PTPRD: variants seen among roughly 807,000 people sequenced by gnomAD.
PTPRD encodes protein tyrosine phosphatase receptor type D.
PTPRD carries 34 observed loss-of-function variants against 214.5 expected under a neutral mutation model. The ratio of observed to expected loss-of-function variants is 0.16; its 90% CI spans 0.12 to 0.21. The LOEUF is 0.21. Ranked by LOEUF, PTPRD falls within the 10% of genes least tolerant of loss-of-function variation. The pLI is 1.00. For synonymous variants in PTPRD, 1,128 were observed against 845.7 expected, an observed-to-expected ratio of 1.33 and a Z score of -5.79; for missense variants, 2,545 against 2,398.7, an observed-to-expected ratio of 1.06 and a Z score of -1.27.
At chr9:8,483,219 A>G (rs2135701019) in intron 30 of PTPRD, among the ~76,000 whole-genome samples, 1 of 152,348 alleles carries the variant, frequency 6.6e-6, no homozygotes. Flanking sequence ...GCTGTGCTAC[A>G]TTCAAACCAG....
chr9:8,346,283 T>A (rs183580487), intron 39 of PTPRD, among the ~76,000 whole-genome samples: 1 of 152,238 alleles, frequency 6.6e-6, no homozygotes, highest in Non-Finnish European at 1.5e-5. Context: ...TTTTCAGGGA[T>A]TATTTGCTGA....
At chr9:8,522,339 G>T (rs1444811083) in intron 19 of PTPRD, among the ~76,000 whole-genome samples, 1 of 152,090 alleles carries the variant, frequency 6.6e-6, no homozygotes, top group Non-Finnish European at 1.5e-5. Context: ...AAAGGGGGAG[G>T]TAAAGTATAA....
chr9:10,072,381 G>A (rs2098039068), intron 3 of PTPRD, among the ~76,000 whole-genome samples: 1 of 152,060 alleles, frequency 6.6e-6, no homozygotes, highest in East Asian at 1.9e-4. Context: ...CAGTGGGTTC[G>A]TGATCTTGCC....
At chr9:8,473,789 G>A (rs1429582503) in intron 30 of PTPRD, among the ~76,000 whole-genome samples, 5 of 152,078 alleles carry the variant, frequency 3.3e-5, no homozygotes, top group African/African-American at 7.2e-5. Flanking sequence ...ATTAATTAAC[G>A]GTGCGGCAAG....
intron 12 of PTPRD, among the ~76,000 whole-genome samples, chr9:8,659,670 T>A (rs1019770365): frequency 6.6e-6 from 1 of 152,122 alleles, no homozygotes; most frequent in Admixed American, 6.5e-5. Flanking sequence ...TTGGGGCAAA[T>A]AGAAAAGGAA....
At chr9:8,607,012 A>G (rs1342855643) in intron 14 of PTPRD, among the ~76,000 whole-genome samples, 1 of 152,204 alleles carries the variant, frequency 6.6e-6, no homozygotes, top group Admixed American at 6.5e-5. Context: ...TCAATGGTAG[A>G]ATGCTGACTA....
intron 2 of PTPRD, among the ~76,000 whole-genome samples, chr9:10,496,990 C>G (rs1295366878): frequency 6.6e-6 from 1 of 151,948 alleles, no homozygotes; most frequent in Non-Finnish European, 1.5e-5. Context: ...GAATAATGTC[C>G]TTTGCACCAA....
chr9:10,601,277 G>A (rs549922310), intron 2 of PTPRD, among the ~76,000 whole-genome samples: 26 of 151,422 alleles, frequency 1.7e-4, no homozygotes, highest in Non-Finnish European at 2.5e-4. Context: ...GTAAAGTTAT[G>A]GCCAAAGGGA....
At chr9:8,425,199 C>A (rs2094582144) in intron 35 of PTPRD, among the ~76,000 whole-genome samples, 1 of 152,146 alleles carries the variant, frequency 6.6e-6, no homozygotes, top group East Asian at 1.9e-4. Flanking sequence ...CTCTAGGCAG[C>A]CTTGTTCCAA....
intron 11 of PTPRD, among the ~76,000 whole-genome samples, chr9:8,910,577 G>C (rs1265477990): frequency 6.6e-6 from 1 of 152,054 alleles, no homozygotes; most frequent in Non-Finnish European, 1.5e-5. Flanking sequence ...GACTCTGCAG[G>C]AGGTCCCCAC....
intron 3 of PTPRD, among the ~76,000 whole-genome samples, chr9:10,151,085 A>G: frequency 7.0e-6 from 1 of 142,274 alleles, no homozygotes; most frequent in African/African-American, 2.6e-5. Flanking sequence ...TTTTGAGACA[A>G]GAGTCTTGCT....
At chr9:9,862,566 G>T (rs758920816) in intron 5 of PTPRD, among the ~76,000 whole-genome samples, 18 of 152,122 alleles carry the variant, frequency 1.2e-4, no homozygotes, top group Non-Finnish European at 8.8e-5. Flanking sequence ...CAGAAACTGC[G>T]AGAATCAAAA....
chr9:9,015,929 G>A (rs1047489070), intron 11 of PTPRD, among the ~76,000 whole-genome samples: 1 of 152,114 alleles, frequency 6.6e-6, no homozygotes, highest in African/African-American at 2.4e-5. Flanking sequence ...ATGCCAATAA[G>A]TAGAAAGAAA....
chr9:9,795,227 G>C (rs1360573282), intron 5 of PTPRD, among the ~76,000 whole-genome samples: 2 of 152,210 alleles, frequency 1.3e-5, no homozygotes, highest in African/African-American at 4.8e-5. Context: ...TGGAGATCTG[G>C]ATAGAGAAAT....
At chr9:10,022,253 A>G (rs1381004242) in intron 4 of PTPRD, among the ~76,000 whole-genome samples, 2 of 80,314 alleles carry the variant, frequency 2.5e-5, no homozygotes, top group Non-Finnish European at 5.0e-5. Flanking sequence ...TGTGTGTCAC[A>G]GGAATAACCA....
At chr9:10,249,758 T>C (rs2092596177) in intron 3 of PTPRD, among the ~76,000 whole-genome samples, 1 of 152,170 alleles carries the variant, frequency 6.6e-6, no homozygotes, top group Non-Finnish European at 1.5e-5. Context: ...TTGTCTTGCA[T>C]TTTAAGGTCT....
In PTPRD at chr9:8,688,374, A is replaced by G. The variant is rs189668010; in HGVS notation, c.64+45406T>C. 2.6e-3 allele frequency among the ~76,000 whole-genome samples: 392 copies of G among 151,978 alleles called. 2 individuals carry two copies. Among genetic ancestry groups the G allele is most frequent in the African/African-American group, 5.8e-3 (239 of 41,466 alleles). ...AAGTTCAGGAGATCGAGACTATCCT[A>G]GCTAACATGGTGAAACCCCGTCTCT... On this transcript the variant is annotated intron_variant, in intron 12 of 45. Transcript: ENST00000381196.
At chr9:9,915,919 T>C (rs2080631128) in intron 5 of PTPRD, among the ~76,000 whole-genome samples, 1 of 152,016 alleles carries the variant, frequency 6.6e-6, no homozygotes, top group Non-Finnish European at 1.5e-5. Flanking sequence ...AGGCGCATTA[T>C]AGTCAAGTTG....
chr9:8,858,203 C>G (rs2154544928), intron 11 of PTPRD: 1 of 155,914 alleles, frequency 6.4e-6, no homozygotes, highest in South Asian at 1.7e-4. Flanking sequence ...TCTCCTCTTT[C>G]CTCCTTCCTG....
Sources: gnomAD v4.1 joint callset for allele counts (sites outside exome capture counted in the v4.1 genomes callset) on GRCh38, gnomAD v4.1.1 for gene constraint, MANE v1.5 for transcripts, NCBI Gene and HGNC (gene_info 2026-07-23, HGNC 2026-07-21) for gene names.